The following HDDC2 variants were observed in gnomAD, a reference collection of about 807,000 sequenced individuals.
HDDC2 encodes 5'-deoxynucleotidase HDDC2.
In HDDC2, 25 loss-of-function variants were observed where a neutral mutation model predicts 25.5. The ratio of observed to expected loss-of-function variants is 0.98; its 90% CI spans 0.72 to 1.37. HDDC2 has a LOEUF of 1.37. HDDC2 is among the 40% of genes most tolerant of loss of function. HDDC2 has a pLI of 0.00. For synonymous variants in HDDC2, 106 were observed against 89.7 expected, an observed-to-expected ratio of 1.18 and a Z score of -1.03; for missense variants, 264 against 253.1, an observed-to-expected ratio of 1.04 and a Z score of -0.29.
intron 4 of HDDC2, among the ~76,000 whole-genome samples, chr6:125,288,047 T>C (rs1171289906): frequency 6.6e-6 from 1 of 152,168 alleles, no homozygotes; most frequent in East Asian, 1.9e-4. Flanking sequence ...CTCACCTGTT[T>C]AGTGCTGAAG....
rs200455776 is a variant in HDDC2 at position 125,289,520 on chromosome 6, A to C, written c.378+3321T>G. ...TTAAAAAAAACAAAACAAAACAAAA[A>C]AAACAAAAAAAAAACATTTCCTTCT... On this transcript the variant is annotated intron_variant, in intron 4 of 5. Coordinates refer to ENST00000398153, the MANE Select transcript of HDDC2 (RefSeq NM_016063.3). 2.8e-3 allele frequency among the ~76,000 whole-genome samples: 282 copies of C among 99,752 alleles called. 4 individuals are homozygous for C. Among genetic ancestry groups the C allele is most frequent in the African/African-American group, 0.015 (258 of 17,510 alleles). 65.4% of individuals were successfully genotyped at this position (99,752 alleles called of 152,430 possible). A position where few individuals can be genotyped will look rare whatever the true frequency, so the allele number is the denominator to read the frequency against.
At chr6:125,292,327 CACTGGGAAGGGAGCAGCACTGGG>C (rs1798644515) in intron 4 of HDDC2, among the ~76,000 whole-genome samples, 1 of 151,476 alleles carries the variant, frequency 6.6e-6, no homozygotes. Flanking sequence ...CTGTCAGCAG[CACTGGGAAGGGAGCAGCACTGGG>C]AAGGGAGTGA....
intron 4 of HDDC2, among the ~76,000 whole-genome samples, chr6:125,285,417 G>A (rs760778455): frequency 3.3e-5 from 5 of 152,044 alleles, no homozygotes; most frequent in Non-Finnish European, 7.4e-5. Context: ...GAACGCAAGG[G>A]TACACAAGGA....
At chr6:125,301,770 C>A (rs561824350) in intron 1 of HDDC2, 79 bp downstream of exon 1, 78 of 1,077,390 alleles carry the variant, frequency 7.2e-5, no homozygotes, top group Non-Finnish European at 9.9e-5. Flanking sequence ...GACCGCCGGC[C>A]GAGCGGGGAG....
chr6:125,295,642 CTG>C (rs1361575753), intron 3 of HDDC2, among the ~76,000 whole-genome samples: 2 of 152,098 alleles, frequency 1.3e-5, no homozygotes, highest in South Asian at 2.1e-4. Flanking sequence ...TAAATGTTTG[CTG>C]TGTTTTTCAT....
intron 4 of HDDC2, among the ~76,000 whole-genome samples, chr6:125,288,678 A>G (rs1798582557): frequency 6.6e-6 from 1 of 150,614 alleles, no homozygotes; most frequent in South Asian, 2.1e-4. Flanking sequence ...AAGGACATGA[A>G]CAGACACTTC....
In HDDC2 at chr6:125,298,441, G is replaced by A. The variant is rs7740624; in HGVS notation, c.309+273C>T. On this transcript the variant is annotated intron_variant, in intron 3 of 5. Transcript: ENST00000398153. Reference sequence around the variant, plus strand: ...CAGTTTATTCTTCAAAACTCATTACGACCTTCCTTCACATGTTTACCAATC... The same window carrying A: ...CAGTTTATTCTTCAAAACTCATTACAACCTTCCTTCACATGTTTACCAATC... Among the ~76,000 whole-genome samples, 89 of 152,160 alleles carry A rather than the reference G, an allele frequency of 5.8e-4. No homozygotes were observed. The East Asian group carries it at 0.016, about 27-fold the overall frequency.
intron 1 of HDDC2, among the ~76,000 whole-genome samples, chr6:125,301,317 G>A (rs1798798219): frequency 6.6e-6 from 1 of 152,112 alleles, no homozygotes; most frequent in Admixed American, 6.6e-5. Flanking sequence ...CCCGTTTGGG[G>A]GGTGGCCGGG....
intron 5 of HDDC2, chr6:125,276,698 G>C (rs1304280554): frequency 4.1e-6 from 1 of 241,090 alleles, no homozygotes; most frequent in Non-Finnish European, 8.0e-6. Flanking sequence ...AAGGATGCAG[G>C]TGTCTCTCTT....
intron 2 of HDDC2, chr6:125,300,331 A>G (rs1239292127): frequency 2.0e-5 from 11 of 563,246 alleles, no homozygotes; most frequent in Non-Finnish European, 2.7e-5. Flanking sequence ...GGCAGGCTCT[A>G]TCACTTGCCA....
chr6:125,286,432 G>A (rs1042622753), intron 4 of HDDC2, among the ~76,000 whole-genome samples: 2 of 152,212 alleles, frequency 1.3e-5, no homozygotes, highest in African/African-American at 2.4e-5. Context: ...GTCATTCTGA[G>A]ACTGCTTCAT....
At chr6:125,300,772 A>C in intron 1 of HDDC2, 113 bp from the exon 2 acceptor site, 5 of 1,067,934 alleles carry the variant, frequency 4.7e-6, no homozygotes, top group Non-Finnish European at 6.6e-6. Flanking sequence ...ATAATTTCAG[A>C]ACCTATTACA....
At chr6:125,301,796 G>T in intron 1 of HDDC2, 53 bp downstream of exon 1, 1 of 1,353,406 alleles carries the variant, frequency 7.4e-7, no homozygotes, top group Non-Finnish European at 1.0e-6. Flanking sequence ...AAGCTCCGCC[G>T]CCCCACAGTC....
intron 4 of HDDC2, 83 bp downstream of exon 4, chr6:125,292,758 G>C (rs1396290929): frequency 9.6e-7 from 1 of 1,041,548 alleles, no homozygotes; most frequent in African/African-American, 1.6e-5. Context: ...CGCTTGTTAA[G>C]ATCATCTAAG....
rs1798586502 is a variant in HDDC2 at position 125,288,980 on chromosome 6, G to T, written c.378+3861C>A. Among the ~76,000 whole-genome samples, 3 of 118,888 alleles carry T rather than the reference G, an allele frequency of 2.5e-5. No individual in the cohort carries two copies. In the South Asian group the frequency reaches 7.7e-4, roughly 30 times the overall value. 78.0% of individuals were successfully genotyped at this position (118,888 alleles called of 152,430 possible). ...ATTTGACCCAGCCATCCCATTACTG[G>T]GTATATACCCAAAGGACTATAAATC... On this transcript the variant is annotated intron_variant, in intron 4 of 5. Coordinates refer to ENST00000398153, the MANE Select transcript of HDDC2 (RefSeq NM_016063.3).
intron 4 of HDDC2, among the ~76,000 whole-genome samples, chr6:125,286,948 T>C (rs146765144): frequency 1.9e-3 from 293 of 152,350 alleles, no homozygotes; most frequent in South Asian, 5.6e-3. Flanking sequence ...CTAGTCATTA[T>C]GTGGTGCATG....
intron 3 of HDDC2, chr6:125,297,647 C>T (rs1220315140): frequency 7.5e-6 from 3 of 398,612 alleles, no homozygotes; most frequent in Non-Finnish European, 1.3e-5. Context: ...TGAGAATAGA[C>T]ATTTAAACAC....
intron 1 of HDDC2, among the ~76,000 whole-genome samples, chr6:125,301,110 T>G (rs1798794974): frequency 6.6e-6 from 1 of 152,210 alleles, no homozygotes; most frequent in Non-Finnish European, 1.5e-5. Flanking sequence ...AATTGCTTGA[T>G]GCTACCAGCC....
intron 2 of HDDC2, 45 bp from the exon 3 acceptor site, chr6:125,298,861 A>C (rs1348955702): frequency 7.5e-7 from 1 of 1,335,178 alleles, no homozygotes. Context: ...AATTATATTT[A>C]CTACAAGTTC....
Sources: allele counts gnomAD v4.1 joint callset (sites outside exome capture counted in the v4.1 genomes callset), GRCh38; gene constraint gnomAD v4.1.1; transcripts MANE v1.5; gene names NCBI Gene and HGNC (gene_info 2026-07-23, HGNC 2026-07-21).